FAAH: variants seen among roughly 807,000 people sequenced by gnomAD.
FAAH encodes the protein fatty acid amide hydrolase.
FAAH carries 63 observed loss-of-function variants against 69.7 expected under a neutral mutation model. That is an observed-to-expected ratio of 0.90 (90% CI 0.74 to 1.12). FAAH has a LOEUF of 1.12. Among genes scored for constraint, FAAH ranks in the 50% most tolerant of loss-of-function variants. The pLI is 0.00. For synonymous variants in FAAH, 305 were observed against 324.2 expected (o/e 0.94, Z 0.64); for missense variants, 680 against 755.0 (o/e 0.90, Z 1.16).
chr1:46,403,697 C>T (rs1427359270), intron 2 of FAAH, among the ~76,000 whole-genome samples: 3 of 152,236 alleles, frequency 2.0e-5, no homozygotes, highest in Non-Finnish European at 4.4e-5. Context: ...GCTGAGCCTT[C>T]GGGGCTCAGA....
At chr1:46,403,675 CG>C (rs1433400794) in intron 2 of FAAH, among the ~76,000 whole-genome samples, 2 of 152,252 alleles carry the variant, frequency 1.3e-5, no homozygotes, top group African/African-American at 4.8e-5. Flanking sequence ...GTCCGTGCCA[CG>C]GGCTCCCCTG....
chr1:46,409,239 A>G, intron 9 of FAAH, 41 bp downstream of exon 9: 2 of 1,493,188 alleles, frequency 1.3e-6, no homozygotes, highest in Non-Finnish European at 9.3e-7. Context: ...GGGATCAGAC[A>G]AGTAGGCAGA....
chr1:46,410,743 T>C lies in FAAH; in HGVS notation c.1276-71T>C, dbSNP rs2148452944. On this transcript the variant is annotated intron_variant, in intron 10 of 14. Coordinates refer to ENST00000243167, the MANE Select transcript of FAAH (RefSeq NM_001441.3). The surrounding 1 kb of genome is among the most constrained non-coding windows in gnomAD (Gnocchi z 4.9). ...CATGGAGGGAGGGGTCCCCAGTGGC[T>C]TGGCCTGAAGAAGGTTGACGTCTGC... The C allele has an allele frequency of 6.3e-7, 1 of 1,599,264 alleles. No individual in the cohort carries two copies. The highest frequency in any genetic ancestry group is 8.6e-7 in the Non-Finnish European group (1 of 1,166,494).
intron 7 of FAAH, among the ~76,000 whole-genome samples, chr1:46,406,737 G>A (rs1664805624): frequency 6.6e-6 from 1 of 151,632 alleles, no homozygotes; most frequent in African/African-American, 2.4e-5. Flanking sequence ...GAGTAGCTGG[G>A]ACTACAGGCG....
At chr1:46,403,871 C>T (rs898824974) in intron 2 of FAAH, among the ~76,000 whole-genome samples, 4 of 152,192 alleles carry the variant, frequency 2.6e-5, no homozygotes, top group Non-Finnish European at 4.4e-5. Context: ...TGTCTTTGAA[C>T]CTTAGTGCTC....
chr1:46,397,312 C>T (rs374702729), intron 1 of FAAH, among the ~76,000 whole-genome samples: 4 of 152,350 alleles, frequency 2.6e-5, no homozygotes, highest in African/African-American at 4.8e-5. Flanking sequence ...TCCTGCACTT[C>T]GGCTCCAAAC....
Position 46,402,147 on chromosome 1 carries a change from G to A in FAAH, c.252G>A (p.Gln84=), listed in dbSNP as rs1664714101. Residue 84 remains glutamine (Q), a synonymous_variant, in exon 2 of 15, where the codon CAG becomes CAA. Transcript: ENST00000243167. ...LLALPLPQLV[Q]KLHSRELAPE... is the part of the protein sequence containing the mutation. ...CCCTGCCCCTGCCTCAGCTGGTGCA[G>A]AAGTTACACAGTAGAGAGCTGGCCC... The A allele has an allele frequency of 6.2e-7, 1 of 1,610,676 alleles. No individual in the cohort carries two copies. The highest frequency in any genetic ancestry group is 2.2e-5 in the East Asian group (1 of 44,784).
rs1423925324 is a variant in FAAH at position 46,408,477 on chromosome 1, C to T, written c.970C>T (p.Pro324Ser). 6.2e-7 allele frequency: 1 copy of T among 1,614,198 alleles called. No homozygotes were observed. Among genetic ancestry groups the T allele is most frequent in the South Asian group, 1.1e-5 (1 of 91,088 alleles). ...FREEVYTSSQ[P>S]LRVGYYETDN... ...CCTCCAGGTCTACACCAGCTCTCAG[C>T]CCCTGCGTGTGGGGTACTATGAGAC... Residue 324 changes from proline (P) to serine (S), a missense_variant, in exon 8 of 15, where the codon CCC becomes TCC. Pro to Ser is a moderately conservative substitution (Grantham distance 74). Coordinates refer to ENST00000243167, the MANE Select transcript of FAAH (RefSeq NM_001441.3).
chr1:46,405,044 G>A lies in FAAH; in HGVS notation c.340G>A (p.Val114Met). The change falls in exon 3 of 15, where the codon GTG becomes ATG. Residue 114 changes from valine (V) to methionine (M), a missense_variant. Physicochemically the swap from Val to Met is conservative, Grantham distance 21. Transcript: ENST00000243167. This position sits in a 1 kb window ranked among gnomAD's most constrained non-coding sequence, Gnocchi z 4.1. ...GGAAGTGAACAAAGGGACCAACTGTGTGACCTCCTATCTGGCTGACTGTGA... is the reference window on the plus strand; with the variant it reads ...GGAAGTGAACAAAGGGACCAACTGTATGACCTCCTATCTGGCTGACTGTGA... ...AWEVNKGTNC[V>M]TSYLADCETQ... 3 of 1,614,106 alleles carry A rather than the reference G, an allele frequency of 1.9e-6. No individual in the cohort carries two copies. Among genetic ancestry groups the A allele is most frequent in the Non-Finnish European group, 8.5e-7 (1 of 1,180,044 alleles).
In FAAH at chr1:46,404,965, T is replaced by C. The variant is rs180968074; in HGVS notation, c.310-49T>C. ...ATGATGTATATTTCACCACAATTTCTTAAAAAGGCCAGCCTCCTTTTATCT... is the reference window on the plus strand; with the variant it reads ...ATGATGTATATTTCACCACAATTTCCTAAAAAGGCCAGCCTCCTTTTATCT... On this transcript the variant is annotated intron_variant, in intron 2 of 14. Transcript: ENST00000243167. The surrounding 1 kb of genome is among the most constrained non-coding windows in gnomAD (Gnocchi z 4.5). 10 of 1,613,254 alleles carry C rather than the reference T, an allele frequency of 6.2e-6. No homozygotes were observed. In the African/African-American group the frequency reaches 1.3e-4, roughly 21 times the overall value.
intron 7 of FAAH, among the ~76,000 whole-genome samples, chr1:46,407,800 T>C (rs1171292348): frequency 6.6e-6 from 1 of 152,228 alleles, no homozygotes; most frequent in Admixed American, 6.5e-5. Flanking sequence ...GTAAGCTGTG[T>C]GACGTAAGCC....
Position 46,410,193 on chromosome 1 carries a change from G to T in FAAH, c.1176-205G>T. The stretch of plus-strand genomic sequence containing the variant: ...AGGGATACCCTGAGTCCTGCCTTGG[G>T]GAGCTCCCGTGGATGTGGGTTGCAG... On this transcript the variant is annotated intron_variant, in intron 9 of 14. Coordinates refer to ENST00000243167, the MANE Select transcript of FAAH (RefSeq NM_001441.3). The surrounding 1 kb of genome is among the most constrained non-coding windows in gnomAD (Gnocchi z 4.9). 1 of 632,792 alleles carries T rather than the reference G, an allele frequency of 1.6e-6. No individual in the cohort carries two copies. Among genetic ancestry groups the T allele is most frequent in the Non-Finnish European group, 2.9e-6 (1 of 343,712 alleles). The allele number at this position is 632,792 out of a possible 1,614,324, so 39.2% of individuals were successfully genotyped here. A position where few individuals can be genotyped will look rare whatever the true frequency, so the allele number is the denominator to read the frequency against.
At position 46,410,207 on chromosome 1, in the gene FAAH, T is replaced by G; in HGVS notation, c.1176-191T>G. On this transcript the variant is annotated intron_variant, in intron 9 of 14. Transcript: ENST00000243167. This position sits in a 1 kb window ranked among gnomAD's most constrained non-coding sequence, Gnocchi z 4.9. ...TCCTGCCTTGGGGAGCTCCCGTGGA[T>G]GTGGGTTGCAGCCCAGGCATCCCAA... is the stretch of plus-strand genomic sequence containing the variant. 1.1e-5 allele frequency: 7 copies of G among 660,742 alleles called. No homozygotes were observed. Among genetic ancestry groups the G allele is most frequent in the East Asian group, 8.0e-5 (3 of 37,530 alleles). 40.9% of individuals were successfully genotyped at this position (660,742 alleles called of 1,614,324 possible). A position where few individuals can be genotyped will look rare whatever the true frequency, so the allele number is the denominator to read the frequency against.
chr1:46,397,370 T>A (rs963124242), intron 1 of FAAH, among the ~76,000 whole-genome samples: 1 of 152,180 alleles, frequency 6.6e-6, no homozygotes, highest in Non-Finnish European at 1.5e-5. Context: ...CTTCATTATT[T>A]TTACGAACAG....
In FAAH at chr1:46,398,539, C is replaced by CTTTT. The variant is rs549332217; in HGVS notation, c.196-3543_196-3540dup. The stretch of plus-strand genomic sequence containing the variant: ...ACAAAGCGATTTGGCAACCAAGATT[C>CTTTT]TTTTTTTTTTTTGAGTCAGAGTCTT... On this transcript the variant is annotated intron_variant, in intron 1 of 14. Transcript: ENST00000243167. Among the ~76,000 whole-genome samples, 20 of 144,878 alleles carry CTTTT rather than the reference C, an allele frequency of 1.4e-4. 3 individuals carry two copies. Among genetic ancestry groups the CTTTT allele is most frequent in the Non-Finnish European group, 1.2e-4 (8 of 65,864 alleles).
chr1:46,412,953 T>C (rs1664943070), intron 13 of FAAH, 122 bp from the exon 14 acceptor site: 1 of 1,245,170 alleles, frequency 8.0e-7, no homozygotes. Flanking sequence ...ACCTCAGTCC[T>C]GGGAGAGAGC....
chr1:46,394,840 G>A (rs779946951), intron 1 of FAAH, among the ~76,000 whole-genome samples: 3 of 152,256 alleles, frequency 2.0e-5, no homozygotes, highest in Non-Finnish European at 2.9e-5. Context: ...ATGCGAAAAC[G>A]CAAGCGTGAC....
At chr1:46,407,863 G>A (rs572286215) in intron 7 of FAAH, among the ~76,000 whole-genome samples, 7 of 152,142 alleles carry the variant, frequency 4.6e-5, no homozygotes, top group Non-Finnish European at 8.8e-5. Flanking sequence ...TCTTGCCCTC[G>A]CCCCAGCCAA....
Position 46,405,631 on chromosome 1 carries a change from T to C in FAAH, c.622T>C (p.Trp208Arg), listed in dbSNP as rs377084673. The change falls in exon 5 of 15, where the codon TGG becomes CGG. Residue 208 changes from tryptophan (W) to arginine (R), a missense_variant. By Grantham distance (101) the Trp-to-Arg change is moderately radical (BLOSUM62 -3). Coordinates refer to ENST00000243167, the MANE Select transcript of FAAH (RefSeq NM_001441.3). The surrounding 1 kb of genome is among the most constrained non-coding windows in gnomAD (Gnocchi z 4.1). ...CCTCTTTGGCCAGACCGTGAACCCA[T>C]GGAAGTCCTCCAAAAGCCCAGGGGG... The part of the protein sequence containing the change: ...NPLFGQTVNP[W>R]KSSKSPGGSS... The C allele has an allele frequency of 1.2e-5, 20 of 1,613,390 alleles. No homozygotes were observed. The African/African-American group carries it at 2.5e-4, about 20-fold the overall frequency.
Sources: allele counts gnomAD v4.1 joint callset (sites outside exome capture counted in the v4.1 genomes callset), GRCh38; gene constraint gnomAD v4.1.1; non-coding constraint Gnocchi (gnomAD v3.1); transcripts MANE v1.5; gene names NCBI Gene and HGNC (gene_info 2026-07-23, HGNC 2026-07-21).